Variants in TOP6BL observed in about 807,000 individuals in gnomAD.
TOP6BL encodes the protein type 2 DNA topoisomerase 6 subunit B-like.
the TOP6BL span, among the ~76,000 whole-genome samples, chr11:66,766,146 C>G: frequency 6.6e-6 from 1 of 152,140 alleles, no homozygotes; most frequent in African/African-American, 2.4e-5. Flanking sequence ...CTGTTGTTTT[C>G]TTCATTATTT....
the TOP6BL span, chr11:66,748,236 CA>C: frequency 1.5e-6 from 1 of 648,596 alleles, no homozygotes; most frequent in Non-Finnish European, 2.5e-6. Flanking sequence ...ATACTCTGAA[CA>C]AACCTAAATC....
At chr11:66,753,383 C>T in the TOP6BL span, among the ~76,000 whole-genome samples, 2 of 149,764 alleles carry the variant, frequency 1.3e-5, no homozygotes, top group Non-Finnish European at 3.0e-5. Context: ...CTGCTGCTCA[C>T]GTTCTATTGG....
At chr11:66,788,324 C>A in the TOP6BL span, 1 of 1,285,676 alleles carries the variant, frequency 7.8e-7, no homozygotes, top group Non-Finnish European at 1.1e-6. Context: ...TATTTTTCTG[C>A]AATCTAATAA....
chr11:66,841,185 C>T, the TOP6BL span, among the ~76,000 whole-genome samples: 9 of 138,654 alleles, frequency 6.5e-5, no homozygotes, highest in African/African-American at 2.2e-4. Flanking sequence ...GGCGTGATCT[C>T]GGCTCACTGC....
the TOP6BL span, among the ~76,000 whole-genome samples, chr11:66,782,124 G>GT: frequency 9.9e-5 from 15 of 152,142 alleles, no homozygotes; most frequent in African/African-American, 3.6e-4. Flanking sequence ...TCCTCTGTGG[G>GT]TTTTGTCAAG....
chr11:66,751,575 G>A, the TOP6BL span, among the ~76,000 whole-genome samples: 5 of 150,766 alleles, frequency 3.3e-5, no homozygotes, highest in Admixed American at 2.7e-4. Flanking sequence ...GGACTCAAGC[G>A]ATCCACCTGC....
the TOP6BL span, among the ~76,000 whole-genome samples, chr11:66,836,294 G>A: frequency 1.3e-5 from 2 of 151,972 alleles, no homozygotes; most frequent in Non-Finnish European, 2.9e-5. Context: ...TCGGCTCACT[G>A]CAAGCTCCAC....
the TOP6BL span, among the ~76,000 whole-genome samples, chr11:66,759,894 A>T: frequency 1.3e-5 from 2 of 151,964 alleles, no homozygotes; most frequent in African/African-American, 4.8e-5. Flanking sequence ...ATTTCTTTTT[A>T]TTTTTTTGGA....
chr11:66,760,129 A>G, the TOP6BL span, among the ~76,000 whole-genome samples: 2 of 152,214 alleles, frequency 1.3e-5, no homozygotes, highest in African/African-American at 4.8e-5. Context: ...TAGATTTTTA[A>G]AAGCTTATAT....
the TOP6BL span, chr11:66,800,950 A>T: frequency 6.9e-7 from 1 of 1,445,920 alleles, no homozygotes; most frequent in South Asian, 1.2e-5. Context: ...GGGTGGTAGT[A>T]GTCATGGGCC....
chr11:66,843,121 C>A, the TOP6BL span: 4 of 1,602,642 alleles, frequency 2.5e-6, no homozygotes, highest in Non-Finnish European at 3.4e-6. Flanking sequence ...GTGCAGGCCA[C>A]GGGCCGCTGC....
At chr11:66,812,419 G>A in the TOP6BL span, among the ~76,000 whole-genome samples, 4 of 152,076 alleles carry the variant, frequency 2.6e-5, 1 homozygote, top group Non-Finnish European at 5.9e-5. Context: ...CTCATGATCC[G>A]CCCACCTCAG....
At chr11:66,759,097 GT>G in the TOP6BL span, 2 of 1,532,132 alleles carry the variant, frequency 1.3e-6, no homozygotes, top group African/African-American at 2.7e-5. Context: ...TTCCTAAAAG[GT>G]AAAGAATTAC....
chr11:66,813,787 A>G, the TOP6BL span: 2 of 1,332,744 alleles, frequency 1.5e-6, no homozygotes, highest in East Asian at 2.3e-5. Context: ...AAACCAGGTC[A>G]GTGTTGTTTG....
the TOP6BL span, among the ~76,000 whole-genome samples, chr11:66,748,083 C>T: frequency 6.6e-6 from 1 of 152,114 alleles, no homozygotes; most frequent in South Asian, 2.1e-4. Context: ...CTTAATTTTT[C>T]CCTAATTATT....
At chr11:66,758,699 C>T in the TOP6BL span, among the ~76,000 whole-genome samples, 3 of 152,224 alleles carry the variant, frequency 2.0e-5, no homozygotes, top group East Asian at 3.9e-4. Flanking sequence ...GTTATTGACA[C>T]GATATATTCT....
At chr11:66,799,017 G>A in the TOP6BL span, among the ~76,000 whole-genome samples, 1 of 151,902 alleles carries the variant, frequency 6.6e-6, no homozygotes, top group Non-Finnish European at 1.5e-5. Context: ...GACCAGCCTG[G>A]CCAACATGGC....
At chr11:66,832,656 C>T in the TOP6BL span, among the ~76,000 whole-genome samples, 42 of 152,372 alleles carry the variant, frequency 2.8e-4, 1 homozygote, top group African/African-American at 9.4e-4. Context: ...TTCCCAGGAA[C>T]GTGTCCACTG....
At chr11:66,747,524 ATTT>A in the TOP6BL span, among the ~76,000 whole-genome samples, 1 of 146,618 alleles carries the variant, frequency 6.8e-6, no homozygotes, top group Non-Finnish European at 1.5e-5. Context: ...CACGTACCTT[ATTT>A]GTTTACTTTC....
Sources: allele counts gnomAD v4.1 joint callset (sites outside exome capture counted in the v4.1 genomes callset), GRCh38; gene constraint gnomAD v4.1.1; transcripts MANE v1.5; gene names NCBI Gene and HGNC (gene_info 2026-07-23, HGNC 2026-07-21).